TADA3: variants seen among roughly 807,000 people sequenced by gnomAD.
The protein encoded by TADA3 is transcriptional adaptor 3.
Under a neutral mutation model 43.2 loss-of-function variants are expected in TADA3, and 25 were observed. That is an observed-to-expected ratio of 0.58 (90% confidence interval 0.42 to 0.81). The LOEUF (loss-of-function observed/expected upper bound fraction) is 0.81, where lower values mean the gene tolerates loss of function less well. Ranked by LOEUF, TADA3 falls within the 30% of genes least tolerant of loss-of-function variation. The probability of loss-of-function intolerance (pLI) is 0.00; values close to 1 mark genes in which losing one functional copy is unlikely to be tolerated. For missense variants in TADA3, 441 were observed against 567.8 expected (o/e 0.78, Z 2.27); for synonymous variants, 235 against 225.5 (o/e 1.04, Z -0.38).
chr3:9,784,205 T>G lies in TADA3; in HGVS notation c.929A>C (p.His310Pro). 1 of 1,609,050 alleles carries G rather than the reference T, an allele frequency of 6.2e-7. No homozygotes were observed. Among genetic ancestry groups the G allele is most frequent in the Non-Finnish European group, 8.5e-7 (1 of 1,175,858 alleles). Residue 310 changes from histidine (H) to proline (P), a missense_variant, in exon 8 of 9, where the codon CAT (histidine) becomes CCT (proline). His to Pro is a moderately conservative substitution (Grantham distance 77). Coordinates refer to ENST00000301964, the MANE Select transcript of TADA3 (RefSeq NM_006354.5). ...RNQNKPFSVP[H>P]TKSLESRIKE... ...GATGCGGCTCTCCAGGGACTTAGTA[T>G]GCGGCACACTGCAGCGGGAGGCAGG... is the stretch of plus-strand genomic sequence containing the variant.
rs941369079 is a variant in TADA3 at position 9,788,602 on chromosome 3, C to T, written c.564+907G>A. Among the ~76,000 whole-genome samples the T allele has an allele frequency of 6.6e-5, 10 of 151,546 alleles. No homozygotes were observed. The South Asian group carries it at 8.4e-4, about 13-fold the overall frequency. On this transcript the variant is annotated intron_variant, in intron 4 of 8. Transcript: ENST00000301964. ...TCACCCAGGCTGGAATACAGTGGCA[C>T]GATCTTGGCTCATTGCAACCGATGC...
At chr3:9,792,686 C>CG, upstream of TADA3, 1 of 1,233,354 alleles carries the variant, frequency 8.1e-7, no homozygotes, top group Non-Finnish European at 1.0e-6. Context: ...GTTAGCCCCG[C>CG]CGAGCGCCAG....
rs2078435643 is a variant in TADA3, at chr3:9,780,567, C to A, written c.1107-18G>T. 1.3e-6 allele frequency: 2 copies of A among 1,592,818 alleles called. No individual in the cohort carries two copies. Among genetic ancestry groups the A allele is most frequent in the Non-Finnish European group, 8.5e-7 (1 of 1,176,262 alleles). Reference sequence around the variant, plus strand: ...TTGCCAGCCTGTGGGGACCAGCCAGCCAGGTGCCAGGGTCAGCCCACCTCC... The same window carrying A: ...TTGCCAGCCTGTGGGGACCAGCCAGACAGGTGCCAGGGTCAGCCCACCTCC... On this transcript the variant is annotated intron_variant, in intron 8 of 8. Transcript: ENST00000301964.
At chr3:9,785,475 C>T in intron 6 of TADA3, 50 bp from the exon 7 acceptor site, 2 of 1,253,624 alleles carry the variant, frequency 1.6e-6, no homozygotes, top group Non-Finnish European at 2.3e-6. Context: ...TTCCACTTTC[C>T]TGCTCCTTTC....
chr3:9,791,609 T>C, intron 1 of TADA3, 116 bp from the exon 2 acceptor site: 1 of 619,172 alleles, frequency 1.6e-6, no homozygotes, highest in Non-Finnish European at 2.8e-6. Context: ...CTGACAAAAT[T>C]GATGGCACAG....
intron 6 of TADA3, among the ~76,000 whole-genome samples, chr3:9,786,034 G>A (rs2078600614): frequency 6.6e-6 from 1 of 152,076 alleles, no homozygotes; most frequent in Non-Finnish European, 1.5e-5. Flanking sequence ...CGCCTCCTGG[G>A]TTCATGCCAT....
intron 6 of TADA3, among the ~76,000 whole-genome samples, chr3:9,786,089 C>A (rs1195676431): frequency 6.6e-6 from 1 of 152,164 alleles, no homozygotes; most frequent in African/African-American, 2.4e-5. Context: ...CAGGCGCCTG[C>A]CACTATGCCC....
At chr3:9,782,742 G>T (rs1446410871) in intron 8 of TADA3, among the ~76,000 whole-genome samples, 2 of 144,374 alleles carry the variant, frequency 1.4e-5, no homozygotes, top group South Asian at 2.2e-4. Context: ...AGTGAGCCGA[G>T]ATCATGGCAC....
chr3:9,792,894 G>T, upstream of TADA3: 10 of 1,397,732 alleles, frequency 7.2e-6, no homozygotes, highest in Non-Finnish European at 9.3e-6. Context: ...TCCTGGAGGA[G>T]CTTAAATAGT....
At position 9,787,080 on chromosome 3, in the gene TADA3, C is replaced by T. The variant is rs1297877619; in HGVS notation, c.736G>A (p.Ala246Thr). Residue 246 changes from alanine to threonine, a missense_variant, in exon 6 of 9, where the codon GCC becomes ACC. Physicochemically the swap from Ala to Thr is moderately conservative, Grantham distance 58. Coordinates refer to ENST00000301964, the MANE Select transcript of TADA3 (RefSeq NM_006354.5). ...DVDALLKKSE[A>T]QHEQPEDGCP... ...CCATCTTCCGGCTGTTCATGCTGGG[C>T]CTCAGACTTCTTCAGCAGGGCATCC... 1.9e-6 allele frequency: 3 copies of T among 1,614,204 alleles called. No homozygotes were observed. The highest frequency in any genetic ancestry group is 2.7e-5 in the African/African-American group (2 of 75,042).
chr3:9,785,670 A>G (rs2078590587), intron 6 of TADA3, among the ~76,000 whole-genome samples: 1 of 152,248 alleles, frequency 6.6e-6, no homozygotes, highest in Non-Finnish European at 1.5e-5. Flanking sequence ...CAATGATGGT[A>G]ATGAACAGCT....
Position 9,788,098 on chromosome 3 carries a change from A to G in TADA3, c.565-758T>C, listed in dbSNP as rs9848811. 957 of 224,566 alleles carry G rather than the reference A, an allele frequency of 4.3e-3. 8 individuals carry two copies. Among genetic ancestry groups the G allele is most frequent in the African/African-American group, 0.02 (883 of 44,322 alleles). 13.9% of individuals were successfully genotyped at this position (224,566 alleles called of 1,614,324 possible). A position where few individuals can be genotyped will look rare whatever the true frequency, so the allele number is the denominator to read the frequency against. On this transcript the variant is annotated intron_variant, in intron 4 of 8. Transcript: ENST00000301964. Reference sequence around the variant, plus strand: ...TGATCCTGTAGATAACGGGAGGAAGAAAGGCCTGGATGCAGCGCCATGTCA... The same window carrying G: ...TGATCCTGTAGATAACGGGAGGAAGGAAGGCCTGGATGCAGCGCCATGTCA...
chr3:9,781,899 G>A (rs2078478471), intron 8 of TADA3, among the ~76,000 whole-genome samples: 1 of 143,076 alleles, frequency 7.0e-6, no homozygotes, highest in South Asian at 2.2e-4. Flanking sequence ...GAGTACAGTG[G>A]CCTGATCAAG....
At chr3:9,790,098 C>T (rs2078698839) in intron 2 of TADA3, 135 bp from the exon 3 acceptor site, 2 of 1,138,354 alleles carry the variant, frequency 1.8e-6, no homozygotes, top group Non-Finnish European at 2.4e-6. Context: ...ACCTAGTAAA[C>T]TCTTACTCAT....
chr3:9,790,406 T>TGAC (rs1214669331), intron 2 of TADA3, among the ~76,000 whole-genome samples: 1 of 152,200 alleles, frequency 6.6e-6, no homozygotes. Context: ...ATTCATCCTT[T>TGAC]TAGGTCCAGT....
At chr3:9,780,778 C>T (rs898865590) in intron 8 of TADA3, among the ~76,000 whole-genome samples, 2 of 152,150 alleles carry the variant, frequency 1.3e-5, no homozygotes, top group Non-Finnish European at 2.9e-5. Flanking sequence ...CATGTGGGGA[C>T]AGGGAGATAC....
rs139007937 is a variant in TADA3 at position 9,791,269 on chromosome 3, G to A, written c.198C>T (p.Ala66=). ...SASRRLRVLE[A]ETQILTDWQD... ...TCTCTGGGGTTATCACCTGGGTTTC[G>A]GCCTCAAGCACACGCAGGCGCCGGC... is the stretch of plus-strand genomic sequence containing the variant. Residue 66 remains alanine (A), a synonymous_variant, in exon 2 of 9, where the codon GCC becomes GCT. Transcript: ENST00000301964. The A allele has an allele frequency of 3.3e-5, 54 of 1,611,950 alleles. 1 individual carries two copies. Among genetic ancestry groups the A allele is most frequent in the Middle Eastern group, 4.1e-4 (2 of 4,846 alleles).
Position 9,787,255 on chromosome 3 carries a change from G to A in TADA3, c.650C>T (p.Ala217Val), listed in dbSNP as rs748746863. 2.3e-5 allele frequency: 37 copies of A among 1,614,104 alleles called. No homozygotes were observed. The highest frequency in any genetic ancestry group is 2.8e-5 in the Non-Finnish European group (33 of 1,180,050). Reference protein sequence around the residue: ...EEQKDGARAAAVADKKKGLMG... With the variant: ...EEQKDGARAAVVADKKKGLMG... The stretch of plus-strand genomic sequence containing the variant: ...GAGGCCTTTCTTCTTGTCAGCCACA[G>A]CCGCTGCCCGGGCCCCATCCTTCTG... The change falls in exon 5 of 9, where the codon GCT becomes GTT. Residue 217 changes from alanine to valine, a missense_variant. Transcript: ENST00000301964.
At chr3:9,786,760 C>T (rs886898123) in intron 6 of TADA3, among the ~76,000 whole-genome samples, 5 of 152,182 alleles carry the variant, frequency 3.3e-5, no homozygotes, top group African/African-American at 4.8e-5. Context: ...ATTTTGTAAT[C>T]TCCAGGCTGG....
Sources: allele counts gnomAD v4.1 joint callset (sites outside exome capture counted in the v4.1 genomes callset), GRCh38; gene constraint gnomAD v4.1.1; transcripts MANE v1.5; gene names NCBI Gene and HGNC (gene_info 2026-07-23, HGNC 2026-07-21).